Variants in CD200 observed in about 807,000 individuals in gnomAD.
CD200 encodes OX-2 membrane glycoprotein.
Under a neutral mutation model 30.9 loss-of-function variants are expected in CD200, and 15 were observed. That is an observed-to-expected ratio of 0.49 (90% confidence interval 0.32 to 0.75). The LOEUF (loss-of-function observed/expected upper bound fraction) is 0.75. CD200 is among the 30% of genes least tolerant of loss of function. The pLI, the probability that CD200 is intolerant of heterozygous loss-of-function variation, is 0.03. For synonymous variants in CD200, 134 were observed against 126.2 expected (o/e 1.06, Z -0.41); for missense variants, 262 against 324.2 (o/e 0.81, Z 1.47).
chr3:112,334,032 CCA>C (rs2081058062), intron 1 of CD200: 1 of 985,174 alleles, frequency 1.0e-6, no homozygotes, highest in Admixed American at 6.2e-5. Context: ...GTTGGCAAGA[CCA>C]CATAGCCAAT....
At chr3:112,346,987 T>C (rs187084674) in intron 3 of CD200, among the ~76,000 whole-genome samples, 157 of 152,352 alleles carry the variant, frequency 1.0e-3, no homozygotes, top group African/African-American at 3.6e-3. Context: ...TTTGGTTTTG[T>C]GTAGCTCTTC....
chr3:112,353,494 C>T (rs562488769), intron 5 of CD200, among the ~76,000 whole-genome samples: 2 of 152,170 alleles, frequency 1.3e-5, no homozygotes, highest in East Asian at 3.9e-4. Flanking sequence ...TTCACAATAA[C>T]CTAACCTATG....
intron 3 of CD200, among the ~76,000 whole-genome samples, chr3:112,346,512 C>T (rs1285866044): frequency 6.6e-6 from 1 of 151,976 alleles, no homozygotes; most frequent in East Asian, 1.9e-4. Flanking sequence ...TCATGTAAGC[C>T]ATTCTTTGAT....
At chr3:112,351,307 C>T (rs1304498948) in intron 5 of CD200, among the ~76,000 whole-genome samples, 1 of 152,194 alleles carries the variant, frequency 6.6e-6, no homozygotes, top group Non-Finnish European at 1.5e-5. Flanking sequence ...TCTGTGCTTA[C>T]TGTCTATGCC....
chr3:112,359,090 C>T (rs991353896), intron 5 of CD200, among the ~76,000 whole-genome samples: 1 of 152,128 alleles, frequency 6.6e-6, no homozygotes, highest in African/African-American at 2.4e-5. Context: ...AAAGGTTTTG[C>T]TCTGGCAAGG....
chr3:112,350,806 G>A (rs1025637136), intron 5 of CD200, among the ~76,000 whole-genome samples: 2 of 152,042 alleles, frequency 1.3e-5, no homozygotes, highest in African/African-American at 4.8e-5. Context: ...TTATAGAAAT[G>A]TTTCCTTTTA....
chr3:112,348,271 G>A (rs1350243495), intron 4 of CD200, among the ~76,000 whole-genome samples: 1 of 152,176 alleles, frequency 6.6e-6, no homozygotes, highest in Non-Finnish European at 1.5e-5. Flanking sequence ...TGGGAGGATT[G>A]GAGGTTGGGA....
At chr3:112,345,497 C>T (rs1256781537) in intron 3 of CD200, among the ~76,000 whole-genome samples, 2 of 152,130 alleles carry the variant, frequency 1.3e-5, no homozygotes, top group Non-Finnish European at 2.9e-5. Context: ...TATCTTTTCT[C>T]TGAGGGATCC....
At chr3:112,358,763 A>T (rs768693610) in intron 5 of CD200, among the ~76,000 whole-genome samples, 1 of 152,154 alleles carries the variant, frequency 6.6e-6, no homozygotes, top group Non-Finnish European at 1.5e-5. Context: ...TCCTTACCAC[A>T]ACTTGGCTGT....
intron 5 of CD200, 138 bp from the exon 6 acceptor site, chr3:112,361,405 A>G (rs1236092847): frequency 1.3e-6 from 1 of 752,748 alleles, no homozygotes; most frequent in Non-Finnish European, 2.3e-6. Flanking sequence ...AGAAATGTCT[A>G]CTTCTTTATC....
Position 112,349,741 on chromosome 3 carries a change from A to G in CD200, c.724A>G (p.Ser242Gly). 6.2e-7 allele frequency: 1 copy of G among 1,612,274 alleles called. No homozygotes were observed. Among genetic ancestry groups the G allele is most frequent in the Non-Finnish European group, 8.5e-7 (1 of 1,179,062 alleles). Reference sequence around the variant, plus strand: ...TTGGTTTTCAGTTCCGCTATTGCTAAGCATTGTTTCCCTGGTAATTCTTCT... The same window carrying G: ...TTGGTTTTCAGTTCCGCTATTGCTAGGCATTGTTTCCCTGGTAATTCTTCT... ...GYWFSVPLLL[S>G]IVSLVILLVL... Residue 242 changes from serine (S) to glycine (G), a missense_variant, in exon 5 of 6, where the codon AGC becomes GGC. Physicochemically the swap from Ser to Gly is moderately conservative, Grantham distance 56. Coordinates refer to ENST00000315711, the MANE Select transcript of CD200 (RefSeq NM_005944.7).
At chr3:112,359,855 G>A (rs2081703249) in intron 5 of CD200, among the ~76,000 whole-genome samples, 1 of 152,166 alleles carries the variant, frequency 6.6e-6, no homozygotes, top group African/African-American at 2.4e-5. Flanking sequence ...AGCATGCAAT[G>A]AAAGAGGATA....
At chr3:112,348,569 T>C (rs1003826202) in intron 4 of CD200, among the ~76,000 whole-genome samples, 1 of 152,200 alleles carries the variant, frequency 6.6e-6, no homozygotes, top group African/African-American at 2.4e-5. Context: ...TAGCCACGTC[T>C]TTTCTCTGTG....
At chr3:112,345,771 G>A (rs1282571340) in intron 3 of CD200, among the ~76,000 whole-genome samples, 2 of 152,182 alleles carry the variant, frequency 1.3e-5, no homozygotes, top group Admixed American at 1.3e-4. Context: ...TTCTCATTTT[G>A]CTTGGGGAGA....
intron 1 of CD200, among the ~76,000 whole-genome samples, chr3:112,334,904 C>T (rs2399415): frequency 0.36 from 54,241 of 151,986 alleles, 9,850 homozygotes; most frequent in South Asian, 0.48. Flanking sequence ...CTCTCTTGTC[C>T]TAAAACACAG....
intron 3 of CD200, among the ~76,000 whole-genome samples, chr3:112,345,618 G>A (rs2081368820): frequency 6.6e-6 from 1 of 152,088 alleles, no homozygotes; most frequent in Admixed American, 6.6e-5. Flanking sequence ...ACCCTAGAAG[G>A]GTCCTATCCA....
intron 1 of CD200, chr3:112,335,807 A>G: frequency 2.7e-6 from 2 of 727,864 alleles, no homozygotes; most frequent in Non-Finnish European, 5.0e-6. Context: ...CTCTAACATG[A>G]TCTTGGGTCT....
intron 1 of CD200, chr3:112,334,080 G>A: frequency 1.0e-6 from 1 of 985,004 alleles, no homozygotes; most frequent in East Asian, 1.1e-4. Flanking sequence ...GAGAATGGTG[G>A]TCTGTGAGCT....
At chr3:112,359,912 G>A (rs2081704470) in intron 5 of CD200, among the ~76,000 whole-genome samples, 1 of 152,200 alleles carries the variant, frequency 6.6e-6, no homozygotes, top group Non-Finnish European at 1.5e-5. Context: ...GGAAGGCTTC[G>A]CTGAGGTGGT....
Sources: gnomAD v4.1 joint callset for allele counts (sites outside exome capture counted in the v4.1 genomes callset) on GRCh38, gnomAD v4.1.1 for gene constraint, MANE v1.5 for transcripts, NCBI Gene and HGNC (gene_info 2026-07-23, HGNC 2026-07-21) for gene names.